Variants in NOS1AP observed in about 807,000 individuals in gnomAD.
NOS1AP encodes the protein carboxyl-terminal PDZ ligand of neuronal nitric oxide synthase protein.
In NOS1AP, 21 loss-of-function variants were observed where a neutral mutation model predicts 56.2. That is an observed-to-expected ratio of 0.37 (90% confidence interval 0.26 to 0.54). NOS1AP has a LOEUF of 0.54. Among genes scored for constraint, NOS1AP ranks in the 20% least tolerant of loss-of-function variants. The pLI, the probability that NOS1AP is intolerant of heterozygous loss-of-function variation, is 0.84. For missense variants in NOS1AP, 522 were observed against 657.8 expected, an observed-to-expected ratio of 0.79 and a Z score of 2.26; for synonymous variants, 270 against 274.6, an observed-to-expected ratio of 0.98 and a Z score of 0.17.
intron 1 of NOS1AP, among the ~76,000 whole-genome samples, chr1:162,103,937 G>T (rs959348297): frequency 5.3e-5 from 8 of 152,168 alleles, no homozygotes; most frequent in African/African-American, 1.7e-4. Context: ...ACGTGAATTT[G>T]ATTCTGTCAT....
intron 2 of NOS1AP, among the ~76,000 whole-genome samples, chr1:162,199,722 T>G (rs1368007697): frequency 6.6e-6 from 1 of 152,038 alleles, no homozygotes; most frequent in African/African-American, 2.4e-5. Context: ...AGTCCCCAGG[T>G]AGTCCTGTTC....
chr1:162,184,147 G>T (rs1557823887), intron 2 of NOS1AP, among the ~76,000 whole-genome samples: 1 of 152,158 alleles, frequency 6.6e-6, no homozygotes, highest in Non-Finnish European at 1.5e-5. Context: ...GTGTCTCAGG[G>T]AATACAGAGG....
intron 1 of NOS1AP, among the ~76,000 whole-genome samples, chr1:162,121,440 A>G (rs1416535127): frequency 1.3e-5 from 2 of 151,984 alleles, no homozygotes; most frequent in African/African-American, 4.8e-5. Flanking sequence ...GTTTAATTCA[A>G]CCTTCTCATT....
chr1:162,159,105 A>G (rs115160869), intron 2 of NOS1AP, among the ~76,000 whole-genome samples: 57 of 152,278 alleles, frequency 3.7e-4, no homozygotes, highest in African/African-American at 1.3e-3. Flanking sequence ...TGTCAGTCCA[A>G]CTGTGTGAAT....
At chr1:162,262,859 C>CT (rs1654284131) in intron 2 of NOS1AP, among the ~76,000 whole-genome samples, 1 of 152,190 alleles carries the variant, frequency 6.6e-6, no homozygotes, top group Non-Finnish European at 1.5e-5. Flanking sequence ...ATTCTAATCT[C>CT]TTTAAGTATA....
At chr1:162,327,902 CT>C (rs2101789059) in intron 4 of NOS1AP, among the ~76,000 whole-genome samples, 1 of 152,334 alleles carries the variant, frequency 6.6e-6, no homozygotes, top group Non-Finnish European at 1.5e-5. Flanking sequence ...GAGCAAGCAA[CT>C]TAACATGTGT....
intron 4 of NOS1AP, among the ~76,000 whole-genome samples, chr1:162,313,175 G>T: frequency 6.6e-6 from 1 of 152,142 alleles, no homozygotes; most frequent in East Asian, 1.9e-4. Flanking sequence ...CAAACAGGGT[G>T]TCTCCCATGC....
intron 3 of NOS1AP, among the ~76,000 whole-genome samples, chr1:162,288,892 TCTC>T (rs907166181): frequency 3.3e-5 from 5 of 152,210 alleles, no homozygotes; most frequent in Admixed American, 3.3e-4. Flanking sequence ...TTTTGCTTCT[TCTC>T]CTCTCACATG....
At chr1:162,329,574 A>G (rs1358996139) in intron 4 of NOS1AP, among the ~76,000 whole-genome samples, 1 of 152,186 alleles carries the variant, frequency 6.6e-6, no homozygotes, top group African/African-American at 2.4e-5. Context: ...AAGATGAAGA[A>G]GGAAAGAAAA....
intron 1 of NOS1AP, among the ~76,000 whole-genome samples, chr1:162,131,129 G>T (rs750234420): frequency 1.3e-5 from 2 of 152,062 alleles, no homozygotes; most frequent in African/African-American, 2.4e-5. Context: ...GAACTACTGC[G>T]TATTTTATAT....
At chr1:162,142,860 G>T (rs16857019) in intron 1 of NOS1AP, among the ~76,000 whole-genome samples, 20,594 of 152,118 alleles carry the variant, frequency 0.14, 1,759 homozygotes, top group African/African-American at 0.24. Flanking sequence ...GGACAGCGTG[G>T]AATATATTTT....
intron 1 of NOS1AP, among the ~76,000 whole-genome samples, chr1:162,076,691 C>G (rs1483562111): frequency 6.6e-6 from 1 of 152,170 alleles, no homozygotes; most frequent in African/African-American, 2.4e-5. Context: ...CATGGTGAAA[C>G]CCCATCTCTA....
At chr1:162,270,972 C>T (rs938075450) in intron 2 of NOS1AP, among the ~76,000 whole-genome samples, 3 of 152,034 alleles carry the variant, frequency 2.0e-5, no homozygotes, top group East Asian at 1.9e-4. Context: ...ACTGTATGTA[C>T]GTTTCAAGAG....
intron 1 of NOS1AP, among the ~76,000 whole-genome samples, chr1:162,085,034 G>GCTGC (rs1691972884): frequency 2.6e-5 from 4 of 152,104 alleles, no homozygotes; most frequent in African/African-American, 9.7e-5. Context: ...GTCATACTGT[G>GCTGC]CTGCCCCTTT....
chr1:162,291,327 G>A (rs890659264), intron 3 of NOS1AP, among the ~76,000 whole-genome samples: 1 of 152,168 alleles, frequency 6.6e-6, no homozygotes, highest in African/African-American at 2.4e-5. Flanking sequence ...TTCAGTAATC[G>A]TGGCTGTTCA....
At chr1:162,224,564 G>T (rs1199758445) in intron 2 of NOS1AP, among the ~76,000 whole-genome samples, 1 of 152,174 alleles carries the variant, frequency 6.6e-6, no homozygotes, top group African/African-American at 2.4e-5. Context: ...CAGGTTGGAT[G>T]CAGGTAGCTG....
At position 162,366,976 on chromosome 1, in the gene NOS1AP, C is replaced by T. The variant is rs570392766; in HGVS notation, c.1106-76C>T. The T allele has an allele frequency of 5.4e-5, 85 of 1,564,550 alleles. No individual in the cohort carries two copies. The African/African-American group carries it at 1.1e-3, about 20-fold the overall frequency. ...GGGAAGGGCTTTGGCAGGGCACGGG[C>T]GGGCAGAAGGCGGGCATCCCAAATC... On this transcript the variant is annotated intron_variant, in intron 9 of 9. Transcript: ENST00000361897.
chr1:162,309,890 T>C (rs1655969331), intron 4 of NOS1AP, among the ~76,000 whole-genome samples: 1 of 152,234 alleles, frequency 6.6e-6, no homozygotes. Context: ...TTTTTCAAAA[T>C]GTGCTTATAT....
intron 1 of NOS1AP, among the ~76,000 whole-genome samples, chr1:162,127,961 CT>C (rs1403011829): frequency 6.6e-6 from 1 of 152,042 alleles, no homozygotes; most frequent in Non-Finnish European, 1.5e-5. Context: ...TGATGATTTG[CT>C]TATGTTTTTT....
Sources: gnomAD v4.1 joint callset for allele counts (sites outside exome capture counted in the v4.1 genomes callset) on GRCh38, gnomAD v4.1.1 for gene constraint, MANE v1.5 for transcripts, NCBI Gene and HGNC (gene_info 2026-07-23, HGNC 2026-07-21) for gene names.